The following DPYD variants were observed in gnomAD, a reference collection of about 807,000 sequenced individuals.
DPYD encodes dihydropyrimidine dehydrogenase [NADP(+)].
DPYD carries 109 observed loss-of-function variants against 116.2 expected under a neutral mutation model. The ratio of observed to expected loss-of-function variants is 0.94; its 90% CI spans 0.80 to 1.10. The LOEUF is 1.10. Among genes scored for constraint, DPYD ranks in the 50% least tolerant of loss-of-function variants. The pLI is 0.00. For missense variants in DPYD, 1,302 were observed against 1,254.5 expected (o/e 1.04, Z -0.57); for synonymous variants, 440 against 432.0 (o/e 1.02, Z -0.23).
At chr1:97,220,751 C>A (rs929470933) in intron 19 of DPYD, among the ~76,000 whole-genome samples, 1 of 152,172 alleles carries the variant, frequency 6.6e-6, no homozygotes, top group Non-Finnish European at 1.5e-5. Flanking sequence ...ACAAAATCTT[C>A]TCTTTGCCAT....
At chr1:97,782,621 T>C (rs1360845307) in intron 3 of DPYD, among the ~76,000 whole-genome samples, 1 of 152,146 alleles carries the variant, frequency 6.6e-6, no homozygotes, top group African/African-American at 2.4e-5. Flanking sequence ...AAACGTTCAG[T>C]AAAAGCACAG....
At chr1:97,173,392 A>G (rs1656988897) in intron 20 of DPYD, among the ~76,000 whole-genome samples, 1 of 150,018 alleles carries the variant, frequency 6.7e-6, no homozygotes, top group Non-Finnish European at 1.5e-5. Context: ...ATACGTACAT[A>G]TATGTGTGTA....
intron 1 of DPYD, among the ~76,000 whole-genome samples, chr1:97,912,719 G>A (rs953268202): frequency 1.3e-5 from 2 of 152,072 alleles, no homozygotes; most frequent in Admixed American, 1.3e-4. Flanking sequence ...TACACTAAAA[G>A]TTAACAGGAA....
chr1:97,288,320 T>A (rs991248478), intron 18 of DPYD, among the ~76,000 whole-genome samples: 29 of 150,732 alleles, frequency 1.9e-4, no homozygotes, highest in African/African-American at 7.1e-4. Flanking sequence ...TCAACTCAGC[T>A]CTGCACCAAG....
At chr1:97,605,388 A>G (rs1655524224) in intron 8 of DPYD, among the ~76,000 whole-genome samples, 1 of 151,970 alleles carries the variant, frequency 6.6e-6, no homozygotes, top group Non-Finnish European at 1.5e-5. Context: ...TGTTCTCATG[A>G]TAGTGAGTGA....
intron 8 of DPYD, among the ~76,000 whole-genome samples, chr1:97,648,547 A>G (rs1450077027): frequency 6.6e-6 from 1 of 151,586 alleles, no homozygotes; most frequent in Admixed American, 6.6e-5. Context: ...CACTTTATTA[A>G]AAAAAAAGAG....
chr1:97,200,444 A>G (rs1289118534), intron 19 of DPYD, among the ~76,000 whole-genome samples: 1 of 152,188 alleles, frequency 6.6e-6, no homozygotes, highest in Non-Finnish European at 1.5e-5. Flanking sequence ...TAACTGAGTT[A>G]TGTATCTGGA....
rs1392381010 is a variant in DPYD, at chr1:97,249,596, T to C, written c.2300-14602A>G. ...AAAGGATGTTAAAAGCAACGACTAA[T>C]TTAAAAAAAAAATTGATAAACTGGA... is the stretch of plus-strand genomic sequence containing the variant. On this transcript the variant is annotated intron_variant, in intron 18 of 22. Coordinates refer to ENST00000370192, the MANE Select transcript of DPYD (RefSeq NM_000110.4). 2.6e-5 allele frequency among the ~76,000 whole-genome samples: 4 copies of C among 151,266 alleles called. No homozygotes were observed. The East Asian group carries it at 5.8e-4, about 22-fold the overall frequency.
chr1:97,259,152 T>C (rs1663706079), intron 18 of DPYD, among the ~76,000 whole-genome samples: 1 of 152,112 alleles, frequency 6.6e-6, no homozygotes, highest in South Asian at 2.1e-4. Context: ...TGGTTTGCCA[T>C]GCATGGTATC....
chr1:97,623,644 G>C (rs1347699467), intron 8 of DPYD, among the ~76,000 whole-genome samples: 1 of 151,646 alleles, frequency 6.6e-6, no homozygotes, highest in Non-Finnish European at 1.5e-5. Context: ...AACACATATG[G>C]AACCATTGAA....
chr1:97,482,421 A>G (rs1351082778), intron 13 of DPYD, among the ~76,000 whole-genome samples: 2 of 152,214 alleles, frequency 1.3e-5, no homozygotes, highest in African/African-American at 2.4e-5. Flanking sequence ...TGACATCATT[A>G]GATTATTAAG....
chr1:97,435,418 A>T (rs1675416805), intron 14 of DPYD, among the ~76,000 whole-genome samples: 1 of 152,006 alleles, frequency 6.6e-6, no homozygotes, highest in Non-Finnish European at 1.5e-5. Flanking sequence ...AGAATTCATT[A>T]TACACATTTA....
chr1:97,292,446 T>A (rs1403909806), intron 18 of DPYD, among the ~76,000 whole-genome samples: 1 of 152,100 alleles, frequency 6.6e-6, no homozygotes, highest in Non-Finnish European at 1.5e-5. Flanking sequence ...AACCATCAGA[T>A]ATTGTGAGAA....
intron 2 of DPYD, among the ~76,000 whole-genome samples, chr1:97,846,150 TG>T (rs1670291670): frequency 6.6e-6 from 1 of 152,156 alleles, no homozygotes; most frequent in Non-Finnish European, 1.5e-5. Context: ...CAGAAGGCGT[TG>T]TTGAACACAG....
intron 13 of DPYD, among the ~76,000 whole-genome samples, chr1:97,488,090 CA>C (rs149644758): frequency 2.1e-4 from 30 of 143,578 alleles, no homozygotes; most frequent in Middle Eastern, 3.5e-3. Flanking sequence ...TACAAGTCAG[CA>C]AAAAAAAAAG....
chr1:97,776,153 C>T (rs1305816427), intron 3 of DPYD, among the ~76,000 whole-genome samples: 2 of 152,006 alleles, frequency 1.3e-5, no homozygotes, highest in Non-Finnish European at 2.9e-5. Flanking sequence ...TCTGCTTTAT[C>T]AAGAGCTGAT....
At chr1:97,770,229 A>G (rs889029018) in intron 3 of DPYD, among the ~76,000 whole-genome samples, 8 of 151,984 alleles carry the variant, frequency 5.3e-5, no homozygotes, top group African/African-American at 1.9e-4. Flanking sequence ...GCAACAATTA[A>G]TTCATAAAAG....
At position 97,089,307 on chromosome 1, in the gene DPYD, G is replaced by A. The variant is rs1250490357; in HGVS notation, c.2767-6837C>T. 3.9e-5 allele frequency among the ~76,000 whole-genome samples: 6 copies of A among 152,152 alleles called. No homozygotes were observed. The South Asian group carries it at 1.0e-3, about 26-fold the overall frequency. On this transcript the variant is annotated intron_variant, in intron 21 of 22. Transcript: ENST00000370192. ...CATTCGGGGGACTTTATAAGTCTTG[G>A]CAGACTCTCAAGTCTCTGTTATATG... is the stretch of plus-strand genomic sequence containing the variant.
intron 20 of DPYD, among the ~76,000 whole-genome samples, chr1:97,110,709 T>C (rs6664275): frequency 0.98 from 149,856 of 152,146 alleles, 73,826 homozygotes; most frequent in East Asian, 1. Context: ...CCTCAACATA[T>C]CCTTTTCAGG....
Sources: allele counts gnomAD v4.1 joint callset (sites outside exome capture counted in the v4.1 genomes callset), GRCh38; gene constraint gnomAD v4.1.1; transcripts MANE v1.5; gene names NCBI Gene and HGNC (gene_info 2026-07-23, HGNC 2026-07-21).